Variants in PNPLA1 observed in about 807,000 individuals in gnomAD.
The protein encoded by PNPLA1 is patatin like domain 1, omega-hydroxyceramide transacylase.
PNPLA1 carries 36 observed loss-of-function variants against 51.7 expected under a neutral mutation model. The observed-to-expected ratio is 0.70, with a 90% CI of 0.53 to 0.92. The LOEUF (loss-of-function observed/expected upper bound fraction) is 0.92. Ranked by LOEUF, PNPLA1 falls within the 40% of genes least tolerant of loss-of-function variation. PNPLA1 has a pLI of 0.00. For synonymous variants in PNPLA1, 293 were observed against 280.1 expected (o/e 1.05, Z -0.46); for missense variants, 658 against 682.5 (o/e 0.96, Z 0.40).
At chr6:36,275,358 G>A (rs768548130) in intron 1 of PNPLA1, among the ~76,000 whole-genome samples, 1 of 152,128 alleles carries the variant, frequency 6.6e-6, no homozygotes, top group Non-Finnish European at 1.5e-5. Flanking sequence ...AAGAGTTACA[G>A]GCCTAAACCA....
At position 36,312,564 on chromosome 6, in the gene PNPLA1, T is replaced by C. The variant is rs1254262392; in HGVS notation, c.*678T>C. 1.3e-5 allele frequency among the ~76,000 whole-genome samples: 2 copies of C among 152,110 alleles called. No homozygotes were observed. The highest frequency in any genetic ancestry group is 4.8e-5 in the African/African-American group (2 of 41,412). Reference sequence around the variant, plus strand: ...AGATGGGGGATTTCCTAGGAAGCTGTGAGCCGAGAGAGAGAACGGGAGCTG... The same window carrying C: ...AGATGGGGGATTTCCTAGGAAGCTGCGAGCCGAGAGAGAGAACGGGAGCTG... On this transcript the variant is annotated 3_prime_UTR_variant, in exon 9 of 9. Coordinates refer to ENST00000636260, the MANE Select transcript of PNPLA1 (RefSeq NM_001374623.1).
In PNPLA1 at chr6:36,302,067, G is replaced by GTGC. The variant is rs1771073036; in HGVS notation, c.984_985insCTG (p.Val328_Ser329insLeu). 2 of 1,614,026 alleles carry GTGC rather than the reference G, an allele frequency of 1.2e-6. No homozygotes were observed. Among genetic ancestry groups the GTGC allele is most frequent in the Admixed American group, 1.7e-5 (1 of 60,012 alleles). On this transcript the variant is annotated inframe_insertion, in exon 6 of 9. Transcript: ENST00000636260. Reference sequence around the variant, plus strand: ...TGGAAGGGGCAGCCATGGTCCGCCTGTGTCCCAACCTGTGCAGACACTTGA... The same window carrying GTGC: ...TGGAAGGGGCAGCCATGGTCCGCCTGTGCTGTCCCAACCTGTGCAGACACTTGA...
intron 1 of PNPLA1, among the ~76,000 whole-genome samples, chr6:36,253,564 C>T (rs911776018): frequency 2.0e-5 from 3 of 152,302 alleles, no homozygotes; most frequent in Admixed American, 1.3e-4. Flanking sequence ...TAGCCTCAAA[C>T]TGCTGGGCTG....
At chr6:36,248,238 G>C (rs896621681) in intron 1 of PNPLA1, among the ~76,000 whole-genome samples, 1 of 152,148 alleles carries the variant, frequency 6.6e-6, no homozygotes, top group African/African-American at 2.4e-5. Context: ...ATGCAGTGGA[G>C]AACAGATATA....
chr6:36,249,336 TATC>T (rs71769927), intron 1 of PNPLA1, among the ~76,000 whole-genome samples: 6,393 of 152,248 alleles, frequency 0.042, 360 homozygotes, highest in African/African-American at 0.13. Flanking sequence ...GGAACCAGCT[TATC>T]ATCAGGTTTT....
intron 1 of PNPLA1, among the ~76,000 whole-genome samples, chr6:36,254,713 T>A (rs1362424500): frequency 6.6e-6 from 1 of 152,152 alleles, no homozygotes; most frequent in Non-Finnish European, 1.5e-5. Context: ...TTGTGGCCAT[T>A]GGGTCTACTT....
chr6:36,303,836 A>AT (rs1554139515), intron 6 of PNPLA1, among the ~76,000 whole-genome samples: 13 of 152,242 alleles, frequency 8.5e-5, no homozygotes, highest in African/African-American at 2.9e-4. Context: ...CCATTTAAAA[A>AT]ATATATATAT....
intron 5 of PNPLA1, among the ~76,000 whole-genome samples, chr6:36,299,293 C>T (rs768410334): frequency 3.3e-5 from 5 of 151,874 alleles, no homozygotes; most frequent in Non-Finnish European, 5.9e-5. Context: ...TGAGCGTTCC[C>T]ATTCCTCCAA....
intron 2 of PNPLA1, 29 bp downstream of exon 2, chr6:36,291,581 CACGG>C: frequency 1.5e-6 from 1 of 687,548 alleles, no homozygotes; most frequent in South Asian, 2.3e-5. Context: ...GAGGGAGGGA[CACGG>C]AGGGGGCGGG....
At chr6:36,289,964 G>A (rs1268574170) in intron 1 of PNPLA1, among the ~76,000 whole-genome samples, 2 of 152,170 alleles carry the variant, frequency 1.3e-5, no homozygotes, top group African/African-American at 2.4e-5. Context: ...ATAAATAGGC[G>A]AGTAAGGCAC....
intron 1 of PNPLA1, among the ~76,000 whole-genome samples, chr6:36,258,757 G>A (rs1020656368): frequency 1.4e-4 from 22 of 152,158 alleles, no homozygotes; most frequent in South Asian, 2.1e-4. Context: ...AACAGAATTA[G>A]GATTTGTTTA....
intron 1 of PNPLA1, among the ~76,000 whole-genome samples, chr6:36,282,136 G>GGAAAGAAGGAAT (rs1406503208): frequency 8.1e-6 from 1 of 124,040 alleles, no homozygotes; most frequent in Non-Finnish European, 1.7e-5. Flanking sequence ...AAGGAAGGAA[G>GGAAAGAAGGAAT]GAAAGAGAGA....
intron 1 of PNPLA1, among the ~76,000 whole-genome samples, chr6:36,262,576 C>T (rs970028044): frequency 1.2e-4 from 18 of 152,332 alleles, no homozygotes; most frequent in Non-Finnish European, 1.6e-4. Flanking sequence ...TCCCTCCACC[C>T]GCAAGCCCCA....
chr6:36,262,009 A>G (rs1467570989), intron 1 of PNPLA1, among the ~76,000 whole-genome samples: 3 of 152,076 alleles, frequency 2.0e-5, no homozygotes, highest in Non-Finnish European at 2.9e-5. Context: ...ACGGCTTTTT[A>G]TCCTCTGGGG....
Position 36,294,206 on chromosome 6 carries a change from G to A in PNPLA1, c.521G>A (p.Gly174Asp). The change falls in exon 4 of 9, where the codon GGC becomes GAC. Residue 174 changes from glycine to aspartate, a missense_variant. Gly to Asp is a moderately conservative substitution (Grantham distance 94). Coordinates refer to ENST00000636260, the MANE Select transcript of PNPLA1 (RefSeq NM_001374623.1). This position sits in a 1 kb window ranked among gnomAD's most constrained non-coding sequence, Gnocchi z 4.2. ...CCCCCACAGAGGTACATCGATGGGGGCTTCACGGGCATGCAGCCCTGTGCC... is the reference window on the plus strand; with the variant it reads ...CCCCCACAGAGGTACATCGATGGGGACTTCACGGGCATGCAGCCCTGTGCC... Reference protein sequence around the residue: ...TYRGVRYIDGGFTGMQPCAFW... With the variant: ...TYRGVRYIDGDFTGMQPCAFW... 1 of 1,614,168 alleles carries A rather than the reference G, an allele frequency of 6.2e-7. No individual in the cohort carries two copies. Among genetic ancestry groups the A allele is most frequent in the Non-Finnish European group, 8.5e-7 (1 of 1,180,040 alleles).
rs898315427 is a variant in PNPLA1 at position 36,301,845 on chromosome 6, C to T, written c.776-16C>T. 2 of 1,605,840 alleles carry T rather than the reference C, an allele frequency of 1.2e-6. No individual in the cohort carries two copies. The highest frequency in any genetic ancestry group is 1.7e-6 in the Non-Finnish European group (2 of 1,174,662). The stretch of plus-strand genomic sequence containing the variant: ...TGCCAGGGCTGAGTAACACCCCATG[C>T]TATTGTTTATCCTAGATGCTGTTTA... On this transcript the variant is annotated splice_polypyrimidine_tract_variant and intron_variant, in intron 5 of 8. Transcript: ENST00000636260.
At chr6:36,260,040 C>T (rs1769614492) in intron 1 of PNPLA1, among the ~76,000 whole-genome samples, 1 of 152,034 alleles carries the variant, frequency 6.6e-6, no homozygotes, top group Middle Eastern at 3.2e-3. Flanking sequence ...TACCTATAAT[C>T]CCAGCACTTT....
At chr6:36,248,844 C>A (rs948858443) in intron 1 of PNPLA1, among the ~76,000 whole-genome samples, 5 of 152,120 alleles carry the variant, frequency 3.3e-5, no homozygotes, top group Non-Finnish European at 7.4e-5. Flanking sequence ...GCAAACGTCC[C>A]CCCACCAAAA....
intron 5 of PNPLA1, among the ~76,000 whole-genome samples, chr6:36,296,841 G>C (rs554436968): frequency 1.3e-5 from 2 of 151,960 alleles, no homozygotes; most frequent in Non-Finnish European, 2.9e-5. Flanking sequence ...TTCCTAATCT[G>C]TAAAAAAAAG....
Sources: allele counts gnomAD v4.1 joint callset (sites outside exome capture counted in the v4.1 genomes callset), GRCh38; gene constraint gnomAD v4.1.1; non-coding constraint Gnocchi (gnomAD v3.1); transcripts MANE v1.5; gene names NCBI Gene and HGNC (gene_info 2026-07-23, HGNC 2026-07-21).